ADAMTS12: variants seen among roughly 807,000 people sequenced by gnomAD.
ADAMTS12 encodes the protein ADAM metallopeptidase with thrombospondin type 1 motif 12, also known as A disintegrin and metalloproteinase with thrombospondin motifs 12.
A neutral mutation model predicts 167.8 loss-of-function variants in ADAMTS12; 118 were observed. The observed-to-expected ratio is 0.70, with a 90% CI of 0.61 to 0.82. The LOEUF is 0.82. Ranked by LOEUF, ADAMTS12 falls within the 40% of genes least tolerant of loss-of-function variation. The pLI, the probability that ADAMTS12 is intolerant of heterozygous loss-of-function variation, is 0.00. For missense variants in ADAMTS12, 1,916 were observed against 1,998.8 expected, an observed-to-expected ratio of 0.96 and a Z score of 0.79; for synonymous variants, 704 against 716.9, an observed-to-expected ratio of 0.98 and a Z score of 0.29.
intron 13 of ADAMTS12, among the ~76,000 whole-genome samples, chr5:33,625,095 C>T (rs74859959): frequency 0.018 from 2,754 of 152,230 alleles, 91 homozygotes; most frequent in African/African-American, 0.063. Context: ...GGCCTCCCAC[C>T]TCAGCCTTCT....
chr5:33,769,355 A>G (rs1366480210), intron 2 of ADAMTS12, among the ~76,000 whole-genome samples: 2 of 152,174 alleles, frequency 1.3e-5, no homozygotes, highest in Non-Finnish European at 2.9e-5. Context: ...TCAAGTACAA[A>G]TGGAGGGACC....
intron 2 of ADAMTS12, among the ~76,000 whole-genome samples, chr5:33,817,506 T>C (rs1436409557): frequency 6.6e-6 from 1 of 152,098 alleles, no homozygotes; most frequent in Non-Finnish European, 1.5e-5. Context: ...ATACCAAACA[T>C]TACAAAAATA....
chr5:33,652,151 G>T (rs956153494), intron 7 of ADAMTS12, among the ~76,000 whole-genome samples: 1 of 152,152 alleles, frequency 6.6e-6, no homozygotes, highest in Non-Finnish European at 1.5e-5. Context: ...CCAGTAGTGG[G>T]ATTGCTGGGT....
At chr5:33,670,467 C>T (rs12187825) in intron 5 of ADAMTS12, among the ~76,000 whole-genome samples, 145,102 of 152,266 alleles carry the variant, frequency 0.95, 69,533 homozygotes, top group Non-Finnish European at 1. Flanking sequence ...GGTGGCCGGG[C>T]GCGGTGTCTC....
chr5:33,626,593 AATG>A (rs1236604810), intron 13 of ADAMTS12, among the ~76,000 whole-genome samples: 2 of 94,252 alleles, frequency 2.1e-5, no homozygotes, highest in East Asian at 3.2e-4. Flanking sequence ...ATTTAATGGT[AATG>A]ATGGTGGTGG....
At chr5:33,795,461 C>T (rs1397102555) in intron 2 of ADAMTS12, among the ~76,000 whole-genome samples, 6 of 152,168 alleles carry the variant, frequency 3.9e-5, no homozygotes, top group South Asian at 2.1e-4. Context: ...AGAATCCCTA[C>T]GTCAAATGAA....
chr5:33,566,496 T>A (rs1746021998), intron 19 of ADAMTS12, among the ~76,000 whole-genome samples: 1 of 152,078 alleles, frequency 6.6e-6, no homozygotes, highest in South Asian at 2.1e-4. Context: ...ACGGACTCCT[T>A]CTCTTCTCCT....
chr5:33,658,271 C>T lies in ADAMTS12; in HGVS notation c.1103G>A (p.Gly368Glu), dbSNP rs1192549807. ...CETLGLSHLSGMCQPHRSCNI... is the reference protein window; with the variant it reads ...CETLGLSHLSEMCQPHRSCNI... ...ACAACTGCGGTGAGGCTGACACATT[C>T]CTGAAAGGTGAGACAGGCCCAGGGT... Residue 368 changes from glycine to glutamate, a missense_variant, in exon 7 of 24, where the codon GGA becomes GAA. Coordinates refer to ENST00000504830, the MANE Select transcript of ADAMTS12 (RefSeq NM_030955.4). The T allele has an allele frequency of 5.6e-6, 9 of 1,613,722 alleles. No homozygotes were observed. Among genetic ancestry groups the T allele is most frequent in the African/African-American group, 2.7e-5 (2 of 75,026 alleles).
chr5:33,660,918 T>C (rs966088177), intron 6 of ADAMTS12, among the ~76,000 whole-genome samples: 5 of 152,160 alleles, frequency 3.3e-5, no homozygotes, highest in Non-Finnish European at 1.5e-5. Flanking sequence ...AAGGTAGACA[T>C]TTGGATAGGG....
chr5:33,625,273 A>AG (rs1739529576), intron 13 of ADAMTS12, among the ~76,000 whole-genome samples: 1 of 152,024 alleles, frequency 6.6e-6, no homozygotes, highest in Non-Finnish European at 1.5e-5. Flanking sequence ...TTCACCTAGT[A>AG]GGGGGAAAAA....
At chr5:33,557,431 A>T (rs1745535127) in intron 20 of ADAMTS12, among the ~76,000 whole-genome samples, 1 of 152,178 alleles carries the variant, frequency 6.6e-6, no homozygotes, top group Admixed American at 6.5e-5. Context: ...GGCCTATCAG[A>T]ATTAGCGAAG....
chr5:33,834,845 T>C (rs1487807425), intron 2 of ADAMTS12, among the ~76,000 whole-genome samples: 3 of 152,186 alleles, frequency 2.0e-5, no homozygotes, highest in Non-Finnish European at 4.4e-5. Flanking sequence ...AGGTCACAAG[T>C]AAAAGGTCTG....
chr5:33,577,675 A>G (rs1420737236), intron 18 of ADAMTS12, among the ~76,000 whole-genome samples: 2 of 152,202 alleles, frequency 1.3e-5, no homozygotes, highest in African/African-American at 2.4e-5. Flanking sequence ...TCACTTGCCT[A>G]TGGCAGGTGG....
chr5:33,547,530 C>T (rs1488370605), intron 21 of ADAMTS12, among the ~76,000 whole-genome samples: 2 of 152,104 alleles, frequency 1.3e-5, no homozygotes, highest in Admixed American at 6.5e-5. Flanking sequence ...GTCAGCACCA[C>T]GGGCAAGGAA....
intron 2 of ADAMTS12, among the ~76,000 whole-genome samples, chr5:33,870,138 G>T (rs1749981940): frequency 6.6e-6 from 1 of 152,112 alleles, no homozygotes; most frequent in Admixed American, 6.5e-5. Flanking sequence ...CTGTTATCCT[G>T]TTCTTTTTTC....
intron 23 of ADAMTS12, among the ~76,000 whole-genome samples, chr5:33,528,815 C>T (rs149802062): frequency 2.0e-5 from 3 of 152,070 alleles, no homozygotes; most frequent in East Asian, 1.9e-4. Flanking sequence ...GGGAGGCTGA[C>T]GTGGGCGGAT....
intron 3 of ADAMTS12, among the ~76,000 whole-genome samples, chr5:33,700,133 A>C (rs1321471548): frequency 6.6e-6 from 1 of 152,216 alleles, no homozygotes; most frequent in East Asian, 1.9e-4. Flanking sequence ...GTTTTAACAA[A>C]CAGTTTGGCA....
At chr5:33,561,921 TA>T (rs1745767581) in intron 19 of ADAMTS12, among the ~76,000 whole-genome samples, 1 of 152,218 alleles carries the variant, frequency 6.6e-6, no homozygotes, top group African/African-American at 2.4e-5. Flanking sequence ...CACTGAATGA[TA>T]CTATCTCACC....
intron 2 of ADAMTS12, among the ~76,000 whole-genome samples, chr5:33,879,015 G>C (rs1750328895): frequency 6.6e-6 from 1 of 152,134 alleles, no homozygotes; most frequent in South Asian, 2.1e-4. Context: ...CCTAGGAGTG[G>C]AGGAATGGGG....
Sources: allele counts gnomAD v4.1 joint callset (sites outside exome capture counted in the v4.1 genomes callset), GRCh38; gene constraint gnomAD v4.1.1; transcripts MANE v1.5; gene names NCBI Gene and HGNC (gene_info 2026-07-23, HGNC 2026-07-21).